The following DSCAM variants were observed in gnomAD, a reference collection of about 807,000 sequenced individuals.
The protein encoded by DSCAM is cell adhesion molecule DSCAM.
Under a neutral mutation model 217.7 loss-of-function variants are expected in DSCAM, and 47 were observed. The ratio of observed to expected loss-of-function variants is 0.22; its 90% CI spans 0.17 to 0.28. DSCAM has a LOEUF of 0.28. DSCAM is among the 10% of genes least tolerant of loss of function. The probability of loss-of-function intolerance (pLI) is 1.00; values close to 1 mark genes in which losing one functional copy is unlikely to be tolerated. For synonymous variants in DSCAM, 1,056 were observed against 1,015.3 expected (o/e 1.04, Z -0.76); for missense variants, 2,080 against 2,618.3 (o/e 0.79, Z 4.49).
chr21:40,310,379 C>A (rs1241145475), intron 9 of DSCAM, among the ~76,000 whole-genome samples: 1 of 152,214 alleles, frequency 6.6e-6, no homozygotes, highest in African/African-American at 2.4e-5. Context: ...CTTGTCCCTG[C>A]CTGTTTCTCC....
chr21:40,147,619 C>T (rs1196957077), intron 16 of DSCAM, among the ~76,000 whole-genome samples: 2 of 152,168 alleles, frequency 1.3e-5, no homozygotes, highest in African/African-American at 4.8e-5. Context: ...TAAACAACCA[C>T]CATTTCTATC....
intron 3 of DSCAM, among the ~76,000 whole-genome samples, chr21:40,468,215 C>T (rs2075860590): frequency 6.6e-6 from 1 of 152,016 alleles, no homozygotes; most frequent in Non-Finnish European, 1.5e-5. Context: ...TTTCTCTTTC[C>T]CCAATATCTG....
chr21:40,517,509 T>C (rs62225544), intron 3 of DSCAM, among the ~76,000 whole-genome samples: 12,657 of 151,814 alleles, frequency 0.083, 653 homozygotes, highest in Middle Eastern at 0.16. Flanking sequence ...TAGGGTCTCA[T>C]TTTTCTCAGT....
intron 3 of DSCAM, among the ~76,000 whole-genome samples, chr21:40,512,230 A>G (rs2837668): frequency 0.092 from 13,960 of 152,030 alleles, 746 homozygotes; most frequent in Middle Eastern, 0.17. Context: ...TCCTGAGTGA[A>G]CCTTGTTCTT....
chr21:40,318,606 C>CT (rs1260878577), intron 8 of DSCAM, among the ~76,000 whole-genome samples: 1 of 152,156 alleles, frequency 6.6e-6, no homozygotes, highest in Non-Finnish European at 1.5e-5. Context: ...AGATCGGTGA[C>CT]TTCCAACCAG....
intron 1 of DSCAM, among the ~76,000 whole-genome samples, chr21:40,792,137 C>CT (rs67838146): frequency 0.11 from 13,639 of 118,738 alleles, 2,300 homozygotes; most frequent in African/African-American, 0.33. Context: ...TCTTCTTCTT[C>CT]TTTTTTTTTT....
intron 3 of DSCAM, among the ~76,000 whole-genome samples, chr21:40,370,549 T>C (rs969486808): frequency 1.3e-5 from 2 of 152,204 alleles, no homozygotes; most frequent in Admixed American, 6.5e-5. Flanking sequence ...ATTGTAAAGA[T>C]AATTTCTTGG....
At chr21:40,846,329 G>C (rs1480868895) in intron 1 of DSCAM, among the ~76,000 whole-genome samples, 2 of 152,070 alleles carry the variant, frequency 1.3e-5, no homozygotes, top group African/African-American at 4.8e-5. Context: ...GGTTTATTCT[G>C]AATGAGGCAG....
chr21:40,721,602 C>T (rs2146507868), intron 1 of DSCAM, among the ~76,000 whole-genome samples: 1 of 152,084 alleles, frequency 6.6e-6, no homozygotes, highest in African/African-American at 2.4e-5. Context: ...AACCAGAAAA[C>T]AGAGCAATTA....
intron 16 of DSCAM, among the ~76,000 whole-genome samples, chr21:40,156,307 G>GAGAGAT (rs2090477469): frequency 1.4e-5 from 2 of 144,136 alleles, no homozygotes; most frequent in Non-Finnish European, 3.0e-5. Context: ...GAGAGAGAGA[G>GAGAGAT]AGAGAGAGAG....
chr21:40,638,168 T>C (rs1373666808), intron 3 of DSCAM, among the ~76,000 whole-genome samples: 2 of 152,186 alleles, frequency 1.3e-5, no homozygotes, highest in Non-Finnish European at 2.9e-5. Context: ...TAATCTTTGA[T>C]TTGTAATAAA....
chr21:40,651,620 T>C (rs2090014978), intron 3 of DSCAM, among the ~76,000 whole-genome samples: 1 of 152,168 alleles, frequency 6.6e-6, no homozygotes, highest in African/African-American at 2.4e-5. Context: ...GTAGAGCTAC[T>C]GCAATTTCGT....
At chr21:40,158,679 A>C (rs372431720) in intron 16 of DSCAM, among the ~76,000 whole-genome samples, 13 of 152,358 alleles carry the variant, frequency 8.5e-5, no homozygotes, top group African/African-American at 2.9e-4. Context: ...TCTGCCACCT[A>C]AATTCTTCTG....
In DSCAM at chr21:40,668,458, T is replaced by C. The variant is rs73905042; in HGVS notation, c.508+24352A>G. On this transcript the variant is annotated intron_variant, in intron 3 of 32. Transcript: ENST00000400454. Reference sequence around the variant, plus strand: ...CAATTAAAGCAAATCTCTAAGGGCATTGGTATTTGTAAAAATCCACCCAGG... The same window carrying C: ...CAATTAAAGCAAATCTCTAAGGGCACTGGTATTTGTAAAAATCCACCCAGG... Among the ~76,000 whole-genome samples, 953 of 152,286 alleles carry C rather than the reference T, an allele frequency of 6.3e-3. 5 individuals carry two copies. Among genetic ancestry groups the C allele is most frequent in the African/African-American group, 0.022 (913 of 41,550 alleles).
intron 3 of DSCAM, among the ~76,000 whole-genome samples, chr21:40,492,419 T>G (rs2076082881): frequency 1.3e-5 from 2 of 152,128 alleles, no homozygotes; most frequent in Admixed American, 1.3e-4. Context: ...TTTATGATCT[T>G]TCTCACAAAT....
intron 15 of DSCAM, among the ~76,000 whole-genome samples, chr21:40,175,623 C>T (rs1044761591): frequency 6.6e-6 from 1 of 151,966 alleles, no homozygotes; most frequent in African/African-American, 2.4e-5. Flanking sequence ...GATGGGTCCA[C>T]CCTCACTTCC....
intron 11 of DSCAM, among the ~76,000 whole-genome samples, chr21:40,246,522 C>G (rs761981217): frequency 5.3e-5 from 8 of 150,118 alleles, no homozygotes; most frequent in African/African-American, 2.0e-4. Flanking sequence ...GCCTGGGCAA[C>G]AGAGAGAGAC....
At chr21:40,657,256 T>C (rs929205217) in intron 3 of DSCAM, among the ~76,000 whole-genome samples, 8 of 152,164 alleles carry the variant, frequency 5.3e-5, no homozygotes, top group Non-Finnish European at 1.0e-4. Context: ...ACAGTGTATA[T>C]TCATGGGCAG....
At chr21:40,576,856 T>C (rs1470369932) in intron 3 of DSCAM, among the ~76,000 whole-genome samples, 1 of 151,956 alleles carries the variant, frequency 6.6e-6, no homozygotes, top group Non-Finnish European at 1.5e-5. Flanking sequence ...GATCACGAAA[T>C]ATCTTTTTAT....
Sources: allele counts gnomAD v4.1 joint callset (sites outside exome capture counted in the v4.1 genomes callset), GRCh38; gene constraint gnomAD v4.1.1; transcripts MANE v1.5; gene names NCBI Gene and HGNC (gene_info 2026-07-23, HGNC 2026-07-21).